Variants in AUTS2 observed in about 807,000 individuals in gnomAD.
AUTS2 encodes the protein activator of transcription and developmental regulator AUTS2.
Under a neutral mutation model 112.4 loss-of-function variants are expected in AUTS2, and 17 were observed. That is an observed-to-expected ratio of 0.15 (90% confidence interval 0.10 to 0.23). The LOEUF (loss-of-function observed/expected upper bound fraction) is 0.23. Among genes scored for constraint, AUTS2 ranks in the 10% least tolerant of loss-of-function variants. AUTS2 has a pLI of 1.00. For missense variants in AUTS2, 1,510 were observed against 1,701.6 expected, an observed-to-expected ratio of 0.89 and a Z score of 1.98; for synonymous variants, 751 against 702.7, an observed-to-expected ratio of 1.07 and a Z score of -1.09.
chr7:70,074,897 A>G (rs1264584906), intron 2 of AUTS2, among the ~76,000 whole-genome samples: 1 of 152,224 alleles, frequency 6.6e-6, no homozygotes, highest in East Asian at 1.9e-4. Flanking sequence ...GGCAGGTATT[A>G]GAAATTTGCT....
At position 70,787,358 on chromosome 7, in the gene AUTS2, T is replaced by A; in HGVS notation, c.2458T>A (p.Ser820Thr). 6.2e-7 allele frequency: 1 copy of A among 1,613,618 alleles called. No individual in the cohort carries two copies. Among genetic ancestry groups the A allele is most frequent in the Non-Finnish European group, 8.5e-7 (1 of 1,179,584 alleles). Residue 820 changes from serine to threonine, a missense_variant, in exon 18 of 19, where the codon TCC becomes ACC. By Grantham distance (58) the Ser-to-Thr change is moderately conservative. Transcript: ENST00000342771. ...LKPGELERSA[S>T]AAAHDRDRDV... ...GCCAGGGGAGCTGGAGCGCAGCGCG[T>A]CCGCTGCAGCTCATGACAGAGATAG...
intron 1 of AUTS2, among the ~76,000 whole-genome samples, chr7:69,873,020 T>A (rs1793573898): frequency 6.6e-6 from 1 of 151,706 alleles, no homozygotes; most frequent in South Asian, 2.1e-4. Context: ...TTTTTGTATT[T>A]TTAGTAGAGA....
intron 5 of AUTS2, among the ~76,000 whole-genome samples, chr7:70,656,069 T>G (rs1407448985): frequency 1.3e-5 from 2 of 152,102 alleles, no homozygotes; most frequent in Admixed American, 6.5e-5. Flanking sequence ...TTGGGGAATA[T>G]TTATGGAAAT....
At chr7:69,769,840 A>G (rs749026421) in intron 1 of AUTS2, among the ~76,000 whole-genome samples, 1 of 152,250 alleles carries the variant, frequency 6.6e-6, no homozygotes, top group Non-Finnish European at 1.5e-5. Flanking sequence ...AGAAATGGAG[A>G]TAATTCTAGT....
chr7:70,102,115 C>CT (rs537710268), intron 2 of AUTS2, among the ~76,000 whole-genome samples: 2,973 of 127,140 alleles, frequency 0.023, 74 homozygotes, highest in Admixed American at 0.068. Flanking sequence ...GCAGTGTTTA[C>CT]TTTTTTTTTT....
At chr7:69,997,970 G>A (rs1038407510) in intron 2 of AUTS2, among the ~76,000 whole-genome samples, 1 of 152,184 alleles carries the variant, frequency 6.6e-6, no homozygotes, top group African/African-American at 2.4e-5. Context: ...GCATTGGAAA[G>A]CAGGAGCAAT....
intron 6 of AUTS2, chr7:70,699,105 A>G (rs1399242523): frequency 2.0e-5 from 3 of 152,452 alleles, no homozygotes; most frequent in Admixed American, 1.3e-4. Flanking sequence ...TTAAATATGC[A>G]CTATCCCATT....
intron 4 of AUTS2, among the ~76,000 whole-genome samples, chr7:70,372,672 T>TA (rs35440586): frequency 6.6e-6 from 1 of 150,460 alleles, no homozygotes; most frequent in African/African-American, 2.4e-5. Flanking sequence ...TTTTTTTTTT[T>TA]AAAATACAAG....
chr7:69,789,772 G>C (rs964062839), intron 1 of AUTS2, among the ~76,000 whole-genome samples: 1 of 152,022 alleles, frequency 6.6e-6, no homozygotes, highest in Non-Finnish European at 1.5e-5. Context: ...TGTTGTCTTG[G>C]GGGGATGCCA....
At chr7:69,615,964 A>G (rs1793349262) in intron 1 of AUTS2, among the ~76,000 whole-genome samples, 1 of 152,230 alleles carries the variant, frequency 6.6e-6, no homozygotes, top group South Asian at 2.1e-4. Flanking sequence ...CTTGCAATCG[A>G]TGACTCTTGC....
intron 1 of AUTS2, among the ~76,000 whole-genome samples, chr7:69,750,503 C>CAGT (rs1381055606): frequency 4.3e-5 from 6 of 139,768 alleles, no homozygotes; most frequent in Non-Finnish European, 7.8e-5. Flanking sequence ...GTAGTAGTAG[C>CAGT]AGTAGTAGTA....
intron 5 of AUTS2, among the ~76,000 whole-genome samples, chr7:70,657,199 G>A (rs1286599534): frequency 6.6e-6 from 1 of 152,132 alleles, no homozygotes; most frequent in African/African-American, 2.4e-5. Flanking sequence ...TGTCTTTGGT[G>A]TGTGTAGCTG....
At chr7:70,318,737 G>A (rs1199531028) in intron 4 of AUTS2, among the ~76,000 whole-genome samples, 1 of 152,178 alleles carries the variant, frequency 6.6e-6, no homozygotes, top group Non-Finnish European at 1.5e-5. Flanking sequence ...AGGGTTCCAA[G>A]AATTTCAGAA....
intron 5 of AUTS2, among the ~76,000 whole-genome samples, chr7:70,558,944 G>T (rs1041187346): frequency 6.6e-6 from 1 of 152,206 alleles, no homozygotes; most frequent in Non-Finnish European, 1.5e-5. Flanking sequence ...CATGCCATCT[G>T]ATATGGTTTG....
chr7:70,349,481 C>CT (rs766015111), intron 4 of AUTS2, among the ~76,000 whole-genome samples: 1 of 152,132 alleles, frequency 6.6e-6, no homozygotes, highest in East Asian at 1.9e-4. Context: ...ACTTGAAGGA[C>CT]TTTTTTTGTG....
At chr7:70,565,170 A>G (rs193275126) in intron 5 of AUTS2, among the ~76,000 whole-genome samples, 1 of 152,338 alleles carries the variant, frequency 6.6e-6, no homozygotes, top group East Asian at 1.9e-4. Flanking sequence ...TGTAATTTTA[A>G]AAGTACAAAA....
intron 5 of AUTS2, among the ~76,000 whole-genome samples, chr7:70,454,804 G>A (rs921150591): frequency 1.3e-5 from 2 of 152,164 alleles, no homozygotes; most frequent in Admixed American, 6.5e-5. Flanking sequence ...ACCACCTGCT[G>A]CTGTGCAAAG....
At chr7:70,443,328 A>T (rs1796195899) in intron 5 of AUTS2, among the ~76,000 whole-genome samples, 1 of 152,100 alleles carries the variant, frequency 6.6e-6, no homozygotes, top group African/African-American at 2.4e-5. Context: ...CTGATTTCTC[A>T]CTCACCAGCT....
intron 6 of AUTS2, among the ~76,000 whole-genome samples, chr7:70,745,103 C>A: frequency 6.6e-6 from 1 of 151,938 alleles, no homozygotes; most frequent in Non-Finnish European, 1.5e-5. Context: ...CCTTATTATA[C>A]GTTTCTGTAT....
Sources: allele counts gnomAD v4.1 joint callset (sites outside exome capture counted in the v4.1 genomes callset), GRCh38; gene constraint gnomAD v4.1.1; transcripts MANE v1.5; gene names NCBI Gene and HGNC (gene_info 2026-07-23, HGNC 2026-07-21).